METAP2: variants seen among roughly 807,000 people sequenced by gnomAD.
The protein encoded by METAP2 is methionine aminopeptidase 2.
A neutral mutation model predicts 59.4 loss-of-function variants in METAP2; 25 were observed. The observed-to-expected ratio is 0.42, with a 90% confidence interval of 0.31 to 0.59. The LOEUF (loss-of-function observed/expected upper bound fraction) is 0.59. Among genes scored for constraint, METAP2 ranks in the 20% least tolerant of loss-of-function variants. The probability of loss-of-function intolerance (pLI) is 0.16; values close to 1 mark genes in which losing one functional copy is unlikely to be tolerated. For missense variants in METAP2, 366 were observed against 581.2 expected, an observed-to-expected ratio of 0.63 and a Z score of 3.81; for synonymous variants, 214 against 194.1, an observed-to-expected ratio of 1.10 and a Z score of -0.85.
At chr12:95,480,275 T>C (rs541642266) in intron 2 of METAP2, among the ~76,000 whole-genome samples, 92 of 152,374 alleles carry the variant, frequency 6.0e-4, no homozygotes, top group Non-Finnish European at 1.1e-3. Flanking sequence ...TTTACCCTTT[T>C]ACATTGAACA....
At chr12:95,503,706 T>C (rs1185205542) in intron 7 of METAP2, among the ~76,000 whole-genome samples, 1 of 152,194 alleles carries the variant, frequency 6.6e-6, no homozygotes, top group Non-Finnish European at 1.5e-5. Flanking sequence ...ACCATGAGTT[T>C]ATGGAACGGT....
chr12:95,476,054 T>C lies in METAP2; in HGVS notation c.152-17T>C. On this transcript the variant is annotated splice_polypyrimidine_tract_variant and intron_variant, in intron 1 of 10. Transcript: ENST00000323666. ...TGTCTGTATTAGATTTGATTTCTGC[T>C]ATTTTATTTTGATCAGCAGGGGAAC... The C allele has an allele frequency of 1.3e-6, 2 of 1,486,890 alleles. No individual in the cohort carries two copies. The highest frequency in any genetic ancestry group is 1.9e-6 in the Non-Finnish European group (2 of 1,078,266). 92.1% of individuals were successfully genotyped at this position (1,486,890 alleles called of 1,614,324 possible).
chr12:95,482,240 T>G (rs2076164062), intron 2 of METAP2: 1 of 434,542 alleles, frequency 2.3e-6, no homozygotes, highest in Non-Finnish European at 4.6e-6. Context: ...GCTTTCCAAG[T>G]AACTGGGACT....
chr12:95,502,172 T>G (rs190913903), intron 7 of METAP2, among the ~76,000 whole-genome samples: 2 of 151,938 alleles, frequency 1.3e-5, no homozygotes, highest in African/African-American at 4.8e-5. Flanking sequence ...CTTGCTAATT[T>G]TTAAAACTTT....
At chr12:95,509,563 C>G (rs1160510054) in intron 8 of METAP2, among the ~76,000 whole-genome samples, 1 of 152,112 alleles carries the variant, frequency 6.6e-6, no homozygotes, top group Non-Finnish European at 1.5e-5. Context: ...GGGCTTTGTG[C>G]AAGGTTATGG....
Position 95,514,052 on chromosome 12 carries a change from A to G in METAP2, c.*148A>G. 1 of 976,902 alleles carries G rather than the reference A, an allele frequency of 1.0e-6. No individual in the cohort carries two copies. The highest frequency in any genetic ancestry group is 2.2e-4 in the Middle Eastern group (1 of 4,574). 60.5% of individuals were successfully genotyped at this position (976,902 alleles called of 1,614,324 possible). On this transcript the variant is annotated 3_prime_UTR_variant, in exon 11 of 11. Coordinates refer to ENST00000323666, the MANE Select transcript of METAP2 (RefSeq NM_006838.4). ...GTTTAAAAAAGAAGGAATTTGGACA[A>G]AGGCAAACCGTCTAATGTAATTAAC...
intron 7 of METAP2, among the ~76,000 whole-genome samples, chr12:95,497,623 T>A (rs2076284842): frequency 6.6e-6 from 1 of 152,174 alleles, no homozygotes; most frequent in Non-Finnish European, 1.5e-5. Flanking sequence ...GGTAATTATA[T>A]CTTTTTAAAC....
Position 95,506,012 on chromosome 12 carries a change from A to G in METAP2, c.964+1851A>G, listed in dbSNP as rs60474000. Among the ~76,000 whole-genome samples, 6 of 151,330 alleles carry G rather than the reference A, an allele frequency of 4.0e-5. No individual in the cohort carries two copies. In the South Asian group the frequency reaches 1.2e-3, roughly 31 times the overall value. ...CTCGGGAGGCTGAGGCAGGAGAATC[A>G]CTTGAAGCCAGGAGGCAGAGGTTGC... On this transcript the variant is annotated intron_variant, in intron 8 of 10. Coordinates refer to ENST00000323666, the MANE Select transcript of METAP2 (RefSeq NM_006838.4).
chr12:95,476,531 A>C (rs2076120437), intron 2 of METAP2, among the ~76,000 whole-genome samples: 1 of 151,878 alleles, frequency 6.6e-6, no homozygotes, highest in Non-Finnish European at 1.5e-5. Context: ...AGAAAGAAAG[A>C]AAGAAAGAAA....
Position 95,514,810 on chromosome 12 carries a change from G to A in METAP2, c.*906G>A, listed in dbSNP as rs1237213665. 6.6e-6 allele frequency: 1 copy of A among 152,054 alleles called. No homozygotes were observed. Among genetic ancestry groups the A allele is most frequent in the African/African-American group, 2.4e-5 (1 of 41,378 alleles). 9.4% of individuals were successfully genotyped at this position (152,054 alleles called of 1,614,324 possible). ...CCATGTTTGGATCTTGTTCTAGTTA[G>A]AAAAATTAAGTTGAAATTCTTGGAC... On this transcript the variant is annotated 3_prime_UTR_variant, in exon 11 of 11. Transcript: ENST00000323666.
intron 4 of METAP2, among the ~76,000 whole-genome samples, chr12:95,493,482 G>C (rs945732068): frequency 3.9e-5 from 6 of 152,114 alleles, no homozygotes; most frequent in African/African-American, 1.4e-4. Context: ...TCTTAAAAAA[G>C]AAATTCGTTA....
At chr12:95,488,511 CAAAAAA>C (rs537119415) in intron 4 of METAP2, among the ~76,000 whole-genome samples, 61 of 76,564 alleles carry the variant, frequency 8.0e-4, no homozygotes, top group African/African-American at 2.8e-3. Context: ...TTTGTCTCAC[CAAAAAA>C]AAAAAAAAAA....
chr12:95,500,085 A>G (rs1424514035), intron 7 of METAP2, among the ~76,000 whole-genome samples: 1 of 152,076 alleles, frequency 6.6e-6, no homozygotes, highest in Non-Finnish European at 1.5e-5. Context: ...TTATTTCAGC[A>G]ATGTTTTATA....
intron 2 of METAP2, among the ~76,000 whole-genome samples, chr12:95,480,360 A>G (rs924946925): frequency 1.3e-5 from 2 of 152,160 alleles, no homozygotes; most frequent in Admixed American, 1.3e-4. Flanking sequence ...GTCTATGTGT[A>G]GATATGTTTT....
chr12:95,483,475 C>CAA (rs141083015), intron 3 of METAP2, 195 bp downstream of exon 3: 4,774 of 65,194 alleles, frequency 0.073, 214 homozygotes, highest in African/African-American at 0.1. Flanking sequence ...GACTCTGTCT[C>CAA]AAAAAAAAAA....
Position 95,475,091 on chromosome 12 carries a change from T to C in METAP2, c.151+761T>C, listed in dbSNP as rs74450618. On this transcript the variant is annotated intron_variant, in intron 1 of 10. Transcript: ENST00000323666. ...AAGGAGAACTGCTGAGAGTTTACAGTTGGATATTATGAACTAGGAACTTAC... is the reference window on the plus strand; with the variant it reads ...AAGGAGAACTGCTGAGAGTTTACAGCTGGATATTATGAACTAGGAACTTAC... 1.3e-3 allele frequency among the ~76,000 whole-genome samples: 205 copies of C among 152,198 alleles called. 1 individual carries two copies. Among genetic ancestry groups the C allele is most frequent in the African/African-American group, 4.8e-3 (198 of 41,518 alleles).
At chr12:95,502,551 TG>T (rs1321002184) in intron 7 of METAP2, among the ~76,000 whole-genome samples, 1 of 151,854 alleles carries the variant, frequency 6.6e-6, no homozygotes, top group African/African-American at 2.4e-5. Context: ...TGTGTGTGTG[TG>T]TGGGGGGGTT....
chr12:95,490,786 G>A (rs1396350007), intron 4 of METAP2, among the ~76,000 whole-genome samples: 1 of 151,986 alleles, frequency 6.6e-6, no homozygotes, highest in Non-Finnish European at 1.5e-5. Flanking sequence ...TTTCTCTTCA[G>A]TGCCCCATCT....
intron 7 of METAP2, among the ~76,000 whole-genome samples, chr12:95,499,420 C>A (rs1177314823): frequency 2.0e-5 from 3 of 152,114 alleles, no homozygotes; most frequent in Non-Finnish European, 2.9e-5. Flanking sequence ...GGATTACAGG[C>A]ATGAACTATT....
Sources: allele counts gnomAD v4.1 joint callset (sites outside exome capture counted in the v4.1 genomes callset), GRCh38; gene constraint gnomAD v4.1.1; transcripts MANE v1.5; gene names NCBI Gene and HGNC (gene_info 2026-07-23, HGNC 2026-07-21).